Variants in EXOC4 observed in about 807,000 individuals in gnomAD.
The protein encoded by EXOC4 is exocyst complex component 4.
EXOC4 carries 71 observed loss-of-function variants against 107.2 expected under a neutral mutation model. The ratio of observed to expected loss-of-function variants is 0.66; its 90% CI spans 0.55 to 0.81. EXOC4 has a LOEUF of 0.81. EXOC4 is among the 30% of genes least tolerant of loss of function. EXOC4 has a pLI of 0.00. For missense variants in EXOC4, 1,108 were observed against 1,189.6 expected (o/e 0.93, Z 1.01); for synonymous variants, 456 against 441.2 (o/e 1.03, Z -0.42).
At chr7:133,587,325 A>G (rs1362809541) in intron 9 of EXOC4, among the ~76,000 whole-genome samples, 1 of 152,240 alleles carries the variant, frequency 6.6e-6, no homozygotes, top group Non-Finnish European at 1.5e-5. Context: ...AATGAAAACG[A>G]GAAGAATAAA....
At chr7:133,643,383 C>T (rs1282086741) in intron 10 of EXOC4, among the ~76,000 whole-genome samples, 2 of 151,398 alleles carry the variant, frequency 1.3e-5, no homozygotes, top group Non-Finnish European at 2.9e-5. Context: ...AATGTGCCCA[C>T]CCAAATTAAG....
chr7:133,819,478 A>G (rs961612057), intron 11 of EXOC4, among the ~76,000 whole-genome samples: 4 of 151,994 alleles, frequency 2.6e-5, no homozygotes, highest in Admixed American at 2.0e-4. Flanking sequence ...TGCTCAATGA[A>G]TAACTTACTG....
rs1563029973 is a variant in EXOC4, at chr7:133,857,195, TATATA to T, written c.1735-38403_1735-38399del. Among the ~76,000 whole-genome samples, 46 of 33,758 alleles carry T rather than the reference TATATA, an allele frequency of 1.4e-3. 2 individuals are homozygous for T. The highest frequency in any genetic ancestry group is 1.9e-3 in the Non-Finnish European group (38 of 19,628). The allele number at this position is 33,758 out of a possible 152,430, so 22.1% of individuals were successfully genotyped here. ...ATATATATATATATATATATATATA[TATATA>T]TTTTACCTCTACTTAACCTCCCTGG... is the stretch of plus-strand genomic sequence containing the variant. On this transcript the variant is annotated intron_variant, in intron 11 of 17. Transcript: ENST00000253861.
the EXOC4 span, among the ~76,000 whole-genome samples, chr7:134,082,547 TCTC>T: frequency 6.6e-6 from 1 of 152,176 alleles, no homozygotes; most frequent in Non-Finnish European, 1.5e-5. Flanking sequence ...TTCAAGCAAT[TCTC>T]CTGCCTCAGC....
At chr7:133,535,554 T>C (rs1321105725) in intron 9 of EXOC4, among the ~76,000 whole-genome samples, 2 of 152,206 alleles carry the variant, frequency 1.3e-5, no homozygotes, top group Non-Finnish European at 2.9e-5. Flanking sequence ...ACCAGCATTC[T>C]GTGGGAGGAT....
At chr7:133,550,990 C>A (rs1234293207) in intron 9 of EXOC4, among the ~76,000 whole-genome samples, 1 of 152,052 alleles carries the variant, frequency 6.6e-6, no homozygotes, top group East Asian at 1.9e-4. Context: ...TTGTGGACAG[C>A]ATCTTCAGCT....
At chr7:133,353,027 T>A (rs1192435148) in intron 5 of EXOC4, among the ~76,000 whole-genome samples, 1 of 152,126 alleles carries the variant, frequency 6.6e-6, no homozygotes, top group Non-Finnish European at 1.5e-5. Flanking sequence ...TTTAAATGCA[T>A]TAGCCTCTTA....
chr7:134,097,845 CATCAACTGA>C, the EXOC4 span, among the ~76,000 whole-genome samples: 1 of 152,172 alleles, frequency 6.6e-6, no homozygotes, highest in Non-Finnish European at 1.5e-5. Flanking sequence ...TTCATGGTGG[CATCAACTGA>C]CCACCTCAGT....
intron 10 of EXOC4, among the ~76,000 whole-genome samples, chr7:133,758,444 T>C (rs1795963927): frequency 6.6e-6 from 1 of 152,166 alleles, no homozygotes; most frequent in Admixed American, 6.5e-5. Context: ...CGGCCCATAG[T>C]TTATTCCTTG....
At chr7:133,760,050 A>G (rs1334885472) in intron 10 of EXOC4, among the ~76,000 whole-genome samples, 1 of 152,160 alleles carries the variant, frequency 6.6e-6, no homozygotes, top group Non-Finnish European at 1.5e-5. Context: ...CTTACTGGCA[A>G]AATCACCAGA....
At chr7:133,655,268 T>C (rs1803262953) in intron 10 of EXOC4, among the ~76,000 whole-genome samples, 1 of 152,196 alleles carries the variant, frequency 6.6e-6, no homozygotes, top group East Asian at 1.9e-4. Context: ...AATACATGTA[T>C]ATATTTTATA....
chr7:133,602,466 G>A (rs1801831956), intron 9 of EXOC4, among the ~76,000 whole-genome samples: 1 of 152,184 alleles, frequency 6.6e-6, no homozygotes. Context: ...AGCCCGTTGT[G>A]CTTTCTTGTC....
chr7:133,927,786 G>A (rs1050035771), intron 13 of EXOC4, among the ~76,000 whole-genome samples: 3 of 152,158 alleles, frequency 2.0e-5, no homozygotes, highest in Non-Finnish European at 4.4e-5. Flanking sequence ...GATATAGAAC[G>A]CTGCCAGGCA....
chr7:133,525,916 T>C (rs77368946), intron 9 of EXOC4, among the ~76,000 whole-genome samples: 6,202 of 152,230 alleles, frequency 0.041, 440 homozygotes, highest in African/African-American at 0.14. Context: ...TTGAATTCTT[T>C]CCATGGATTC....
intron 5 of EXOC4, among the ~76,000 whole-genome samples, chr7:133,336,431 A>G (rs1029268432): frequency 6.6e-6 from 1 of 152,146 alleles, no homozygotes; most frequent in Non-Finnish European, 1.5e-5. Flanking sequence ...CCCCAAAGAG[A>G]AAGTAGTACC....
At chr7:133,730,622 C>T (rs1393987487) in intron 10 of EXOC4, among the ~76,000 whole-genome samples, 1 of 152,130 alleles carries the variant, frequency 6.6e-6, no homozygotes, top group Non-Finnish European at 1.5e-5. Flanking sequence ...TTCTGTCTCT[C>T]CTCTCTTCCT....
intron 10 of EXOC4, among the ~76,000 whole-genome samples, chr7:133,738,362 G>A (rs1325741410): frequency 6.6e-6 from 1 of 152,116 alleles, no homozygotes; most frequent in Non-Finnish European, 1.5e-5. Context: ...AATTAAATGT[G>A]TAGCCTCATT....
intron 10 of EXOC4, among the ~76,000 whole-genome samples, chr7:133,704,448 C>G (rs762452254): frequency 1.3e-5 from 2 of 152,230 alleles, no homozygotes; most frequent in Non-Finnish European, 2.9e-5. Flanking sequence ...ACTTTCAGTG[C>G]TATAGAGAAA....
chr7:134,026,504 T>C (rs1258914028), intron 17 of EXOC4, among the ~76,000 whole-genome samples: 1 of 264 alleles, frequency 3.8e-3, no homozygotes, highest in Non-Finnish European at 7.5e-3. Context: ...AAGGAAGGTT[T>C]GGTTACCAAA....
Sources: allele counts gnomAD v4.1 joint callset (sites outside exome capture counted in the v4.1 genomes callset), GRCh38; gene constraint gnomAD v4.1.1; transcripts MANE v1.5; gene names NCBI Gene and HGNC (gene_info 2026-07-23, HGNC 2026-07-21).